The following BABAM2 variants were observed in gnomAD, a reference collection of about 807,000 sequenced individuals.
The protein encoded by BABAM2 is BRISC and BRCA1-A complex member 2.
BABAM2 carries 31 observed loss-of-function variants against 54.7 expected under a neutral mutation model. That is an observed-to-expected ratio of 0.57 (90% CI 0.43 to 0.77). The LOEUF is 0.77. Ranked by LOEUF, BABAM2 falls within the 30% of genes least tolerant of loss-of-function variation. The pLI is 0.00. For synonymous variants in BABAM2, 167 were observed against 162.9 expected, an observed-to-expected ratio of 1.03 and a Z score of -0.19; for missense variants, 364 against 455.8, an observed-to-expected ratio of 0.80 and a Z score of 1.83.
At chr2:27,920,129 C>T (rs763722781) in intron 2 of BABAM2, among the ~76,000 whole-genome samples, 2 of 152,030 alleles carry the variant, frequency 1.3e-5, no homozygotes, top group Non-Finnish European at 2.9e-5. Flanking sequence ...ATGCATAGCC[C>T]CATTCCCCTG....
At chr2:28,287,194 A>G (rs889707776) in intron 10 of BABAM2, among the ~76,000 whole-genome samples, 5 of 152,184 alleles carry the variant, frequency 3.3e-5, no homozygotes, top group Admixed American at 3.3e-4. Flanking sequence ...CTTTTTAAAG[A>G]CTTTGCCCAA....
intron 3 of BABAM2, among the ~76,000 whole-genome samples, chr2:27,981,476 A>C (rs1167020220): frequency 1.3e-5 from 2 of 152,150 alleles, no homozygotes; most frequent in African/African-American, 4.8e-5. Context: ...TCATCACAAA[A>C]AGAAAGCTTG....
intron 3 of BABAM2, among the ~76,000 whole-genome samples, chr2:27,943,975 A>T (rs1669109669): frequency 1.3e-5 from 2 of 152,152 alleles, no homozygotes; most frequent in Non-Finnish European, 1.5e-5. Flanking sequence ...TTCATGGGTT[A>T]GAAGAAATAT....
chr2:28,209,594 G>A (rs1679239600), intron 7 of BABAM2, among the ~76,000 whole-genome samples: 1 of 152,196 alleles, frequency 6.6e-6, no homozygotes, highest in Non-Finnish European at 1.5e-5. Context: ...TGCTCTAAGT[G>A]TATGGTTTTG....
chr2:28,111,717 AGT>A (rs1668036898), intron 6 of BABAM2, among the ~76,000 whole-genome samples: 1 of 152,134 alleles, frequency 6.6e-6, no homozygotes, highest in Non-Finnish European at 1.5e-5. Context: ...CCTCTAAGCC[AGT>A]GCTTCTTAAA....
intron 10 of BABAM2, among the ~76,000 whole-genome samples, chr2:28,278,246 A>AT (rs2148185416): frequency 6.6e-6 from 1 of 152,326 alleles, no homozygotes; most frequent in South Asian, 2.1e-4. Flanking sequence ...CATTTTCTCT[A>AT]TTATACTGTA....
chr2:27,963,750 A>G (rs1047407897), intron 3 of BABAM2, among the ~76,000 whole-genome samples: 2 of 152,176 alleles, frequency 1.3e-5, no homozygotes, highest in Non-Finnish European at 2.9e-5. Flanking sequence ...GTAGATTTGC[A>G]GTAAATGGAA....
intron 6 of BABAM2, among the ~76,000 whole-genome samples, chr2:28,047,513 C>T (rs190071208): frequency 1.3e-5 from 2 of 152,198 alleles, no homozygotes; most frequent in Non-Finnish European, 2.9e-5. Flanking sequence ...TTGATGTTGC[C>T]TCTGCTCATA....
intron 6 of BABAM2, among the ~76,000 whole-genome samples, chr2:28,055,611 G>A (rs982843212): frequency 6.6e-6 from 1 of 152,164 alleles, no homozygotes; most frequent in African/African-American, 2.4e-5. Context: ...GAAGTCACAG[G>A]TAGTTTCTTG....
At chr2:27,890,187 C>G, upstream of BABAM2, 1 of 1,469,534 alleles carries the variant, frequency 6.8e-7, no homozygotes, top group Admixed American at 1.7e-5. This position sits in a 1 kb window ranked among gnomAD's most constrained non-coding sequence, Gnocchi z 4.8. Context: ...CCAAAAGCTC[C>G]ACTGGGCGCA....
At chr2:28,198,932 A>T (rs2147947162) in intron 7 of BABAM2, among the ~76,000 whole-genome samples, 2 of 152,290 alleles carry the variant, frequency 1.3e-5, no homozygotes, top group Non-Finnish European at 2.9e-5. Context: ...ACCTGTAAAA[A>T]ACCTAAAGCA....
intron 7 of BABAM2, among the ~76,000 whole-genome samples, chr2:28,209,799 G>A (rs1056214499): frequency 1.3e-5 from 2 of 152,140 alleles, no homozygotes; most frequent in South Asian, 4.1e-4. Context: ...CAATCCTAGG[G>A]ATTGAGATAT....
At chr2:27,958,070 A>G (rs896364400) in intron 3 of BABAM2, among the ~76,000 whole-genome samples, 5 of 152,184 alleles carry the variant, frequency 3.3e-5, no homozygotes, top group Non-Finnish European at 7.4e-5. Flanking sequence ...CAAACTGAGC[A>G]CTACCAGCTG....
At chr2:28,016,477 GC>G in intron 4 of BABAM2, 1 of 1,181,774 alleles carries the variant, frequency 8.5e-7, no homozygotes, top group Non-Finnish European at 1.3e-6. Flanking sequence ...TGTCCCACTT[GC>G]CCATGGTGCT....
At chr2:28,087,524 G>A (rs1665763189) in intron 6 of BABAM2, among the ~76,000 whole-genome samples, 1 of 152,082 alleles carries the variant, frequency 6.6e-6, no homozygotes, top group African/African-American at 2.4e-5. Context: ...AAGCTTCTGG[G>A]CCCTCTGTCG....
At chr2:27,966,281 C>T (rs1670837402) in intron 3 of BABAM2, among the ~76,000 whole-genome samples, 1 of 152,124 alleles carries the variant, frequency 6.6e-6, no homozygotes, top group South Asian at 2.1e-4. Context: ...TTTGGTAATC[C>T]TGAGTACAGG....
intron 11 of BABAM2, among the ~76,000 whole-genome samples, chr2:28,328,727 G>T (rs1420003300): frequency 6.6e-6 from 1 of 152,152 alleles, no homozygotes; most frequent in Non-Finnish European, 1.5e-5. Context: ...GACATTGGCA[G>T]GTATCTTAAC....
intron 5 of BABAM2, among the ~76,000 whole-genome samples, chr2:28,033,814 G>C (rs1676470427): frequency 6.8e-6 from 1 of 146,878 alleles, no homozygotes; most frequent in South Asian, 2.2e-4. Context: ...TTTTTTTTGA[G>C]ATATGAAATG....
intron 7 of BABAM2, among the ~76,000 whole-genome samples, chr2:28,170,553 GA>G (rs1437278706): frequency 6.6e-6 from 1 of 151,794 alleles, no homozygotes; most frequent in Non-Finnish European, 1.5e-5. Context: ...TGAAAATAAA[GA>G]AAAATTAAAT....
Sources: allele counts gnomAD v4.1 joint callset (sites outside exome capture counted in the v4.1 genomes callset), GRCh38; gene constraint gnomAD v4.1.1; non-coding constraint Gnocchi (gnomAD v3.1); transcripts MANE v1.5; gene names NCBI Gene and HGNC (gene_info 2026-07-23, HGNC 2026-07-21).